The following IL23R variants were observed in gnomAD, a reference collection of about 807,000 sequenced individuals.
IL23R encodes the protein interleukin 23 receptor.
A neutral mutation model predicts 56.9 loss-of-function variants in IL23R; 34 were observed. That is an observed-to-expected ratio of 0.60 (90% CI 0.45 to 0.80). IL23R has a LOEUF of 0.80. Ranked by LOEUF, IL23R falls within the 30% of genes least tolerant of loss-of-function variation. The pLI, the probability that IL23R is intolerant of heterozygous loss-of-function variation, is 0.00. For synonymous variants in IL23R, 230 were observed against 249.2 expected, an observed-to-expected ratio of 0.92 and a Z score of 0.73; for missense variants, 635 against 730.0, an observed-to-expected ratio of 0.87 and a Z score of 1.50.
intron 7 of IL23R, among the ~76,000 whole-genome samples, chr1:67,225,482 G>C (rs1650550384): frequency 6.6e-6 from 1 of 151,694 alleles, no homozygotes; most frequent in African/African-American, 2.4e-5. Context: ...CTCATAGTAG[G>C]GTCTGTGGAC....
intron 1 of IL23R, among the ~76,000 whole-genome samples, chr1:67,145,816 A>C (rs1646674563): frequency 6.6e-6 from 1 of 152,186 alleles, no homozygotes; most frequent in Non-Finnish European, 1.5e-5. Flanking sequence ...CCAGTATCAC[A>C]TATTCTTGTA....
chr1:67,222,102 C>CTTTTTTTTTTTTTTT (rs72241835), intron 7 of IL23R, among the ~76,000 whole-genome samples: 174 of 58,888 alleles, frequency 3.0e-3, no homozygotes, highest in Middle Eastern at 0.012. Flanking sequence ...TTCTTTCTTT[C>CTTTTTTTTTTTTTTT]TTTTTTTTTT....
chr1:67,236,169 G>A (rs1257397789), intron 7 of IL23R, among the ~76,000 whole-genome samples: 7 of 152,194 alleles, frequency 4.6e-5, no homozygotes, highest in African/African-American at 1.7e-4. Flanking sequence ...GAAAAGAAAA[G>A]AGCAGAGAGA....
intron 7 of IL23R, among the ~76,000 whole-genome samples, chr1:67,233,794 G>T (rs1651269129): frequency 6.6e-6 from 1 of 151,338 alleles, no homozygotes; most frequent in Non-Finnish European, 1.5e-5. Flanking sequence ...TGCAAGGATG[G>T]AACTGTCTCA....
chr1:67,229,835 T>G (rs1482647577), intron 7 of IL23R, among the ~76,000 whole-genome samples: 2 of 152,236 alleles, frequency 1.3e-5, no homozygotes, highest in Non-Finnish European at 2.9e-5. Context: ...TTATTTGTCC[T>G]ACTACATCTC....
intron 10 of IL23R, among the ~76,000 whole-genome samples, chr1:67,257,069 T>C (rs1449377503): frequency 3.9e-5 from 6 of 152,142 alleles, no homozygotes; most frequent in Non-Finnish European, 1.5e-5. Context: ...CTAAGGAGGC[T>C]GGGGCTGAAG....
intron 6 of IL23R, among the ~76,000 whole-genome samples, chr1:67,213,156 G>T (rs1442164012): frequency 6.6e-6 from 1 of 152,088 alleles, no homozygotes; most frequent in Non-Finnish European, 1.5e-5. Context: ...CACTGCGCCC[G>T]GCCTAGTCAT....
Position 67,182,977 on chromosome 1 carries a change from G to C in IL23R, c.491+18G>C. ...GTGAAGAGGTAGGTCACTTCCTCAC[G>C]GCTTCATATAAGCAGTTCCACCCCA... On this transcript the variant is annotated intron_variant, in intron 4 of 10. Transcript: ENST00000347310. 1.2e-6 allele frequency: 2 copies of C among 1,613,458 alleles called. No individual in the cohort carries two copies. The highest frequency in any genetic ancestry group is 2.2e-5 in the South Asian group (2 of 91,064).
At chr1:67,164,888 T>G (rs1646857433), upstream of IL23R, among the ~76,000 whole-genome samples, 1 of 152,096 alleles carries the variant, frequency 6.6e-6, no homozygotes. Context: ...TACTCAACAT[T>G]ACTGATTATC....
intron 7 of IL23R, among the ~76,000 whole-genome samples, chr1:67,222,008 TA>T (rs995821256): frequency 6.0e-5 from 9 of 150,640 alleles, no homozygotes; most frequent in African/African-American, 2.2e-4. Context: ...TGCTTCTATT[TA>T]AAAAAAATAA....
At chr1:67,144,193 C>A (rs1646661491) in intron 1 of IL23R, among the ~76,000 whole-genome samples, 1 of 152,148 alleles carries the variant, frequency 6.6e-6, no homozygotes, top group African/African-American at 2.4e-5. Context: ...CCTTCAAATC[C>A]TGCCCATCTT....
chr1:67,212,375 A>G (rs1253639650), intron 6 of IL23R, among the ~76,000 whole-genome samples: 3 of 152,202 alleles, frequency 2.0e-5, no homozygotes, highest in Admixed American at 6.5e-5. Flanking sequence ...GTGGGAGGAT[A>G]CCAAAGATTA....
Position 67,240,301 on chromosome 1 carries a change from C to A in IL23R, c.1148+20C>A. The A allele has an allele frequency of 6.5e-7, 1 of 1,538,284 alleles. No individual in the cohort carries two copies. The highest frequency in any genetic ancestry group is 9.0e-7 in the Non-Finnish European group (1 of 1,112,090). On this transcript the variant is annotated intron_variant, in intron 9 of 10. Coordinates refer to ENST00000347310, the MANE Select transcript of IL23R (RefSeq NM_144701.3). ...AACTGGGTAGGTTTTTGCAGAATTT[C>A]TGTTTTCTGATTTAGACTACATGTA...
intron 6 of IL23R, among the ~76,000 whole-genome samples, chr1:67,209,405 CAT>C (rs1649296368): frequency 6.6e-6 from 1 of 152,166 alleles, no homozygotes. Context: ...AGAATTCCCA[CAT>C]GTTGTGGGAG....
intron 6 of IL23R, chr1:67,207,659 TC>T: frequency 5.1e-6 from 2 of 395,458 alleles, no homozygotes; most frequent in South Asian, 2.0e-5. Context: ...GCCTTTTGCC[TC>T]CCACCATGAT....
chr1:67,256,424 G>T (rs1192260715), intron 10 of IL23R, among the ~76,000 whole-genome samples: 1 of 152,190 alleles, frequency 6.6e-6, no homozygotes, highest in Non-Finnish European at 1.5e-5. Context: ...GGGTGGGCTA[G>T]GTTTCCATTC....
intron 3 of IL23R, among the ~76,000 whole-genome samples, chr1:67,170,737 A>G (rs1236200615): frequency 6.6e-6 from 1 of 152,200 alleles, no homozygotes; most frequent in Non-Finnish European, 1.5e-5. Context: ...TTGAGAATCA[A>G]GCCTCAGTTC....
At chr1:67,188,286 G>C (rs1405010351) in intron 4 of IL23R, among the ~76,000 whole-genome samples, 1 of 152,154 alleles carries the variant, frequency 6.6e-6, no homozygotes, top group African/African-American at 2.4e-5. Context: ...GGCAGGAAAA[G>C]TGGTAAAGAG....
chr1:67,144,858 T>A (rs1646666279), intron 1 of IL23R, among the ~76,000 whole-genome samples: 1 of 152,194 alleles, frequency 6.6e-6, no homozygotes, highest in African/African-American at 2.4e-5. Flanking sequence ...GGATTAATAT[T>A]TCTCACTCTG....
Sources: allele counts gnomAD v4.1 joint callset (sites outside exome capture counted in the v4.1 genomes callset), GRCh38; gene constraint gnomAD v4.1.1; transcripts MANE v1.5; gene names NCBI Gene and HGNC (gene_info 2026-07-23, HGNC 2026-07-21).